Variants in THRB observed in about 807,000 individuals in gnomAD.
The protein encoded by THRB is nuclear receptor subfamily 1 group A member 2.
Under a neutral mutation model 47.8 loss-of-function variants are expected in THRB, and 12 were observed. The observed-to-expected ratio is 0.25, with a 90% CI of 0.16 to 0.41. The LOEUF is 0.41. Among genes scored for constraint, THRB ranks in the 10% least tolerant of loss-of-function variants. THRB has a pLI of 1.00. For missense variants in THRB, 348 were observed against 589.2 expected, an observed-to-expected ratio of 0.59 and a Z score of 4.24; for synonymous variants, 218 against 212.2, an observed-to-expected ratio of 1.03 and a Z score of -0.24.
chr3:24,230,600 G>C (rs566826296), intron 3 of THRB, among the ~76,000 whole-genome samples: 5 of 152,156 alleles, frequency 3.3e-5, no homozygotes, highest in Non-Finnish European at 7.4e-5. Context: ...CTGTAGGTGA[G>C]AGCACAGGTC....
intron 4 of THRB, among the ~76,000 whole-genome samples, chr3:24,209,811 C>A (rs1252487122): frequency 2.0e-5 from 3 of 151,684 alleles, no homozygotes; most frequent in Non-Finnish European, 4.4e-5. Context: ...TACCCTAGAA[C>A]TTAAAATATT....
intron 5 of THRB, among the ~76,000 whole-genome samples, chr3:24,155,810 C>G (rs1025019508): frequency 1.3e-5 from 2 of 152,178 alleles, no homozygotes; most frequent in Admixed American, 6.5e-5. Context: ...ACAAATACTA[C>G]AGACACAATC....
At chr3:24,236,915 T>C (rs1305327666) in intron 3 of THRB, among the ~76,000 whole-genome samples, 4 of 152,172 alleles carry the variant, frequency 2.6e-5, no homozygotes, top group African/African-American at 9.7e-5. Flanking sequence ...TAGGAATCAG[T>C]TAAGAACTCA....
intron 8 of THRB, among the ~76,000 whole-genome samples, chr3:24,139,445 A>G (rs1413971774): frequency 6.7e-6 from 1 of 148,372 alleles, no homozygotes; most frequent in Non-Finnish European, 1.5e-5. Flanking sequence ...GTGGAGTGGC[A>G]TAATCACAGC....
At position 24,275,379 on chromosome 3, in the gene THRB, C is replaced by T. The variant is rs187938409; in HGVS notation, c.-43+21847G>A. On this transcript the variant is annotated intron_variant, in intron 3 of 10. Coordinates refer to ENST00000646209, the MANE Select transcript of THRB (RefSeq NM_001354712.2). ...CTTCATCTATTAAATGAAGTTGAAA[C>T]GAATACTCTCTCAGGACACTCTGAA... 2.7e-3 allele frequency among the ~76,000 whole-genome samples: 407 copies of T among 152,288 alleles called. 3 individuals are homozygous for T. The highest frequency in any genetic ancestry group is 6.3e-4 in the Non-Finnish European group (43 of 68,032).
In THRB at chr3:24,480,527, C is replaced by T. The variant is rs183447880; in HGVS notation, c.-261+14125G>A. 6.6e-5 allele frequency among the ~76,000 whole-genome samples: 10 copies of T among 152,276 alleles called. No homozygotes were observed. In the East Asian group the frequency reaches 1.9e-3, roughly 29 times the overall value. On this transcript the variant is annotated intron_variant, in intron 1 of 10. Transcript: ENST00000646209. ...AGCACAAACATACTCCTTATTAGGG[C>T]CAATGTCCCTAAAGTCAAACTTGTA...
At chr3:24,347,834 A>G (rs1302826535) in intron 1 of THRB, among the ~76,000 whole-genome samples, 1 of 152,142 alleles carries the variant, frequency 6.6e-6, no homozygotes, top group Non-Finnish European at 1.5e-5. Context: ...TTGTACCTAC[A>G]AATCTACTCA....
At chr3:24,417,138 A>ACACACACG (rs142143378) in intron 1 of THRB, among the ~76,000 whole-genome samples, 12 of 151,090 alleles carry the variant, frequency 7.9e-5, no homozygotes, top group African/African-American at 2.9e-4. Context: ...ACACACACAC[A>ACACACACG]CGCGCAACGC....
intron 1 of THRB, among the ~76,000 whole-genome samples, chr3:24,355,097 A>T (rs1446777016): frequency 2.0e-5 from 3 of 152,166 alleles, no homozygotes; most frequent in Non-Finnish European, 4.4e-5. Context: ...CACCTTAACC[A>T]AGTGATTAAA....
chr3:24,167,782 T>C (rs1218126066), intron 5 of THRB, among the ~76,000 whole-genome samples: 1 of 152,056 alleles, frequency 6.6e-6, no homozygotes, highest in Non-Finnish European at 1.5e-5. Flanking sequence ...TCAGTAACAA[T>C]ATCAACGAAA....
chr3:24,241,870 T>G (rs733366), intron 3 of THRB, among the ~76,000 whole-genome samples: 1 of 151,750 alleles, frequency 6.6e-6, no homozygotes, highest in African/African-American at 2.4e-5. Flanking sequence ...TGATGCACAC[T>G]TGAGTGTGAG....
intron 1 of THRB, among the ~76,000 whole-genome samples, chr3:24,358,683 G>A (rs1372088050): frequency 2.0e-5 from 3 of 151,928 alleles, no homozygotes; most frequent in Admixed American, 6.6e-5. Flanking sequence ...GATTTATAGT[G>A]TATTTTAACA....
At chr3:24,348,075 G>C (rs1045837767) in intron 1 of THRB, among the ~76,000 whole-genome samples, 1 of 152,070 alleles carries the variant, frequency 6.6e-6, no homozygotes, top group Non-Finnish European at 1.5e-5. Context: ...GAATTTGGAA[G>C]AAAAAGTAAA....
chr3:24,234,105 C>T (rs1198319771), intron 3 of THRB, among the ~76,000 whole-genome samples: 1 of 152,182 alleles, frequency 6.6e-6, no homozygotes, highest in African/African-American at 2.4e-5. Context: ...TCAAATTCTC[C>T]TTTAAAGCTT....
rs1404106589 is a variant in THRB at position 24,122,611 on chromosome 3, G to A, written c.*273C>T. 3.1e-5 allele frequency: 15 copies of A among 481,968 alleles called. No homozygotes were observed. In the East Asian group the frequency reaches 5.9e-4, roughly 19 times the overall value. The allele number at this position is 481,968 out of a possible 1,614,324, so 29.9% of individuals were successfully genotyped here. ...GGACGGGTGGGAGCTGGTGATGCTT[G>A]GTGCTGGTGAGTTAATGATTGTCCC... is the stretch of plus-strand genomic sequence containing the variant. On this transcript the variant is annotated 3_prime_UTR_variant, in exon 11 of 11. Transcript: ENST00000646209.
At chr3:24,309,024 T>G (rs879285088) in intron 2 of THRB, among the ~76,000 whole-genome samples, 1 of 152,152 alleles carries the variant, frequency 6.6e-6, no homozygotes, top group Admixed American at 6.6e-5. Context: ...AGCTCTTCCC[T>G]ACCCTTTCCT....
chr3:24,261,746 C>T (rs557946068), intron 3 of THRB, among the ~76,000 whole-genome samples: 1 of 152,184 alleles, frequency 6.6e-6, no homozygotes, highest in Non-Finnish European at 1.5e-5. Context: ...ATTCTTGGAA[C>T]TCATTTTATT....
intron 4 of THRB, among the ~76,000 whole-genome samples, chr3:24,200,969 C>G (rs2044522673): frequency 6.6e-6 from 1 of 152,070 alleles, no homozygotes; most frequent in Non-Finnish European, 1.5e-5. Context: ...GTATGTAATG[C>G]TCCCCTAGGA....
chr3:24,393,321 T>G (rs144349735), intron 1 of THRB, among the ~76,000 whole-genome samples: 42 of 152,248 alleles, frequency 2.8e-4, no homozygotes, highest in African/African-American at 9.6e-4. Flanking sequence ...ATCCCATCAC[T>G]CCTTGCAGTA....
Sources: allele counts gnomAD v4.1 joint callset (sites outside exome capture counted in the v4.1 genomes callset), GRCh38; gene constraint gnomAD v4.1.1; transcripts MANE v1.5; gene names NCBI Gene and HGNC (gene_info 2026-07-23, HGNC 2026-07-21).